Variants in OLFML2A observed in about 807,000 individuals in gnomAD.
The protein encoded by OLFML2A is olfactomedin-like protein 2A.
In OLFML2A, 47 loss-of-function variants were observed where a neutral mutation model predicts 60.9. That is an observed-to-expected ratio of 0.77 (90% confidence interval 0.61 to 0.98). The LOEUF (loss-of-function observed/expected upper bound fraction) is 0.98. Ranked by LOEUF, OLFML2A falls within the 50% of genes least tolerant of loss-of-function variation. The pLI is 0.00. For missense variants in OLFML2A, 922 were observed against 879.8 expected, an observed-to-expected ratio of 1.05 and a Z score of -0.61; for synonymous variants, 372 against 375.0, an observed-to-expected ratio of 0.99 and a Z score of 0.09.
At position 124,787,087 on chromosome 9, in the gene OLFML2A, G is replaced by A. The variant is rs1841488832; in HGVS notation, c.203G>A (p.Arg68Gln). 1.9e-6 allele frequency: 3 copies of A among 1,614,146 alleles called. No homozygotes were observed. The highest frequency in any genetic ancestry group is 1.3e-5 in the African/African-American group (1 of 75,056). The change falls in exon 2 of 8, where the codon CGG becomes CAG. Residue 68 changes from arginine (R) to glutamine (Q), a missense_variant. Transcript: ENST00000373580. ...KDACSRVRSGRARVEDFYTVE... is the reference protein window; with the variant it reads ...KDACSRVRSGQARVEDFYTVE... ...GCGTGTAGCCGAGTGCGCAGTGGGCGGGCACGCGTGGAGGACTTCTACACG... is the reference window on the plus strand; with the variant it reads ...GCGTGTAGCCGAGTGCGCAGTGGGCAGGCACGCGTGGAGGACTTCTACACG...
At chr9:124,799,210 C>A in intron 3 of OLFML2A, 75 bp from the exon 4 acceptor site, 1 of 1,082,168 alleles carries the variant, frequency 9.2e-7, no homozygotes, top group Non-Finnish European at 1.4e-6. Context: ...ATGACCAAAG[C>A]TGGGGTGTCC....
intron 7 of OLFML2A, among the ~76,000 whole-genome samples, chr9:124,808,256 C>G (rs1841941752): frequency 6.6e-6 from 1 of 152,208 alleles, no homozygotes; most frequent in African/African-American, 2.4e-5. Context: ...ATCAAGGGGC[C>G]AATACTGAGT....
At chr9:124,788,244 G>T (rs1259665033) in intron 2 of OLFML2A, among the ~76,000 whole-genome samples, 1 of 151,660 alleles carries the variant, frequency 6.6e-6, no homozygotes, top group East Asian at 1.9e-4. Flanking sequence ...AGAAGCTGCA[G>T]TGAGCTGAGA....
chr9:124,805,627 AG>A (rs1841877829), intron 6 of OLFML2A, among the ~76,000 whole-genome samples: 1 of 152,038 alleles, frequency 6.6e-6, no homozygotes, highest in South Asian at 2.1e-4. Context: ...GAATGGTGGG[AG>A]GGGGTAAAGG....
chr9:124,811,268 C>T lies in OLFML2A; in HGVS notation c.*856C>T, dbSNP rs1842016234. ...GGGTGGGGAGCTGAGCTGAGGCTCC[C>T]TCTCCACCCAGAAGCACTGGCGTTG... On this transcript the variant is annotated 3_prime_UTR_variant, in exon 8 of 8. Transcript: ENST00000373580. The T allele has an allele frequency of 6.5e-6, 1 of 152,714 alleles. No individual in the cohort carries two copies. Among genetic ancestry groups the T allele is most frequent in the Non-Finnish European group, 1.5e-5 (1 of 68,054 alleles). 9.5% of individuals were successfully genotyped at this position (152,714 alleles called of 1,614,324 possible).
At position 124,784,977 on chromosome 9, in the gene OLFML2A, G is replaced by A. The variant is rs1272650654; in HGVS notation, c.91-1998G>A. On this transcript the variant is annotated intron_variant, in intron 1 of 7. Transcript: ENST00000373580. Reference sequence around the variant, plus strand: ...TTTTTTTTTTTTTTTTTTTTGAGACGGAGTCTCACTGTGTTGCCCAGGCTG... The same window carrying A: ...TTTTTTTTTTTTTTTTTTTTGAGACAGAGTCTCACTGTGTTGCCCAGGCTG... Among the ~76,000 whole-genome samples the A allele has an allele frequency of 3.0e-4, 7 of 22,990 alleles. No individual in the cohort carries two copies. The South Asian group carries it at 4.1e-3, about 14-fold the overall frequency. 15.1% of individuals were successfully genotyped at this position (22,990 alleles called of 152,430 possible). A position where few individuals can be genotyped will look rare whatever the true frequency, so the allele number is the denominator to read the frequency against.
Position 124,810,553 on chromosome 9 carries a change from G to A in OLFML2A, c.*141G>A, listed in dbSNP as rs1262537902. Reference sequence around the variant, plus strand: ...TGGGCATGAGGTGGTCACCAGGATTGAGCTTCCTCAGCACCCAGTGGGTAA... The same window carrying A: ...TGGGCATGAGGTGGTCACCAGGATTAAGCTTCCTCAGCACCCAGTGGGTAA... On this transcript the variant is annotated 3_prime_UTR_variant, in exon 8 of 8. Coordinates refer to ENST00000373580, the MANE Select transcript of OLFML2A (RefSeq NM_182487.4). The A allele has an allele frequency of 8.5e-6, 7 of 822,916 alleles. No homozygotes were observed. The highest frequency in any genetic ancestry group is 5.8e-5 in the Admixed American group (2 of 34,384). 51.0% of individuals were successfully genotyped at this position (822,916 alleles called of 1,614,324 possible). A position where few individuals can be genotyped will look rare whatever the true frequency, so the allele number is the denominator to read the frequency against.
chr9:124,795,213 C>A (rs1360503485), intron 3 of OLFML2A, 82 bp downstream of exon 3: 6 of 738,132 alleles, frequency 8.1e-6, no homozygotes, highest in Non-Finnish European at 1.4e-5. Flanking sequence ...CCCGGCAATC[C>A]AGGCTTCACC....
chr9:124,785,558 C>G (rs1348459988), intron 1 of OLFML2A, among the ~76,000 whole-genome samples: 1 of 151,828 alleles, frequency 6.6e-6, no homozygotes, highest in South Asian at 2.1e-4. Context: ...CCATCACGCC[C>G]GGCTAATTTT....
At chr9:124,784,453 C>T (rs1330599975) in intron 1 of OLFML2A, among the ~76,000 whole-genome samples, 5 of 152,100 alleles carry the variant, frequency 3.3e-5, no homozygotes, top group East Asian at 3.9e-4. Context: ...CCACCCGCCT[C>T]GGCCTCCCAA....
chr9:124,782,134 C>G (rs1841372151), intron 1 of OLFML2A, among the ~76,000 whole-genome samples: 1 of 152,222 alleles, frequency 6.6e-6, no homozygotes. Flanking sequence ...CTATGCCCCC[C>G]AGGGCCCCCT....
At chr9:124,793,754 G>A (rs1465010593) in intron 2 of OLFML2A, among the ~76,000 whole-genome samples, 1 of 152,136 alleles carries the variant, frequency 6.6e-6, no homozygotes, top group Non-Finnish European at 1.5e-5. Context: ...AGCTGGGCGT[G>A]GTGGCTCATC....
Position 124,804,238 on chromosome 9 carries a change from C to T in OLFML2A, c.1064C>T (p.Pro355Leu), listed in dbSNP as rs764393009. The change falls in exon 6 of 8, where the codon CCC becomes CTC. Residue 355 changes from proline to leucine, a missense_variant. Transcript: ENST00000373580. ...CGAGTGGACCTGGCTTCTGGCACCC[C>T]CACTTCAATCCCTGCCACCACCACC... ...SERVDLASGT[P>L]TSIPATTTTA... 1.2e-6 allele frequency: 2 copies of T among 1,613,384 alleles called. No individual in the cohort carries two copies. Among genetic ancestry groups the T allele is most frequent in the South Asian group, 1.1e-5 (1 of 91,006 alleles).
rs180888251 is a variant in OLFML2A at position 124,788,229 on chromosome 9, G to A, written c.354+991G>A. 2.1e-3 allele frequency among the ~76,000 whole-genome samples: 326 copies of A among 151,736 alleles called. 2 individuals carry two copies. Among genetic ancestry groups the A allele is most frequent in the Non-Finnish European group, 2.9e-4 (20 of 67,968 alleles). On this transcript the variant is annotated intron_variant, in intron 2 of 7. Transcript: ENST00000373580. ...AGGCAGGAGAATCACTTGAACCCAGGAGGCAGAAGCTGCAGTGAGCTGAGA... is the reference window on the plus strand; with the variant it reads ...AGGCAGGAGAATCACTTGAACCCAGAAGGCAGAAGCTGCAGTGAGCTGAGA...
At chr9:124,794,988 G>A (rs1277352272) in intron 2 of OLFML2A, 36 bp from the exon 3 acceptor site, 4 of 1,293,140 alleles carry the variant, frequency 3.1e-6, no homozygotes, top group Admixed American at 1.9e-5. Context: ...GCCATGTGCT[G>A]CACTCTTTGC....
chr9:124,783,881 C>G (rs1181753330), intron 1 of OLFML2A, among the ~76,000 whole-genome samples: 6 of 152,088 alleles, frequency 3.9e-5, no homozygotes, highest in Admixed American at 3.3e-4. Context: ...GTAAAGAAAA[C>G]CAAGTCACTA....
chr9:124,806,368 T>G (rs1841897130), intron 6 of OLFML2A, among the ~76,000 whole-genome samples: 1 of 147,228 alleles, frequency 6.8e-6, no homozygotes. Context: ...ATCAAGCTAA[T>G]TAGCATATAT....
intron 1 of OLFML2A, among the ~76,000 whole-genome samples, chr9:124,785,390 C>CTTTTTTTTT (rs1171618111): frequency 7.0e-3 from 433 of 62,206 alleles, no homozygotes; most frequent in East Asian, 9.9e-3. Context: ...CATTTTCTTT[C>CTTTTTTTTT]TTTTTTTTTT....
chr9:124,806,185 AAAT>A (rs1160265760), intron 6 of OLFML2A, among the ~76,000 whole-genome samples: 1 of 152,080 alleles, frequency 6.6e-6, no homozygotes, highest in Non-Finnish European at 1.5e-5. Flanking sequence ...TTAAAAAGTA[AAAT>A]AAAAAAGAAA....
Sources: gnomAD v4.1 joint callset for allele counts (sites outside exome capture counted in the v4.1 genomes callset) on GRCh38, gnomAD v4.1.1 for gene constraint, MANE v1.5 for transcripts, NCBI Gene and HGNC (gene_info 2026-07-23, HGNC 2026-07-21) for gene names.